ZC4H2: variants seen among roughly 807,000 people sequenced by gnomAD.
The protein encoded by ZC4H2 is zinc finger C4H2-type containing, also known as zinc finger C4H2 domain-containing protein.
For missense variants in ZC4H2, 137 were observed against 173.9 expected, an observed-to-expected ratio of 0.79 and a Z score of 1.19; for synonymous variants, 84 against 66.3, an observed-to-expected ratio of 1.27 and a Z score of -1.30.
chrX:64,999,825 C>A (rs769076559), intron 1 of ZC4H2, among the ~76,000 whole-genome samples: 24 of 112,261 alleles, frequency 2.1e-4, no homozygotes, highest in Admixed American at 1.7e-3. Context: ...AATCCTCCAG[C>A]ATGTTCAAAC....
At chrX:64,984,699 C>T (rs1932146219) in intron 1 of ZC4H2, among the ~76,000 whole-genome samples, 1 of 111,761 alleles carries the variant, frequency 8.9e-6, no homozygotes, top group Admixed American at 9.5e-5. Context: ...GAATCCTGAG[C>T]CATTATTTCT....
chrX:64,958,215 T>A (rs983571882), intron 1 of ZC4H2, among the ~76,000 whole-genome samples: 1 of 112,426 alleles, frequency 8.9e-6, no homozygotes, highest in Non-Finnish European at 1.9e-5. Flanking sequence ...TGACTGGCAG[T>A]GCAGTATCAT....
chrX:64,934,741 G>A (rs967047628), intron 1 of ZC4H2, among the ~76,000 whole-genome samples: 7 of 111,504 alleles, frequency 6.3e-5, no homozygotes, highest in South Asian at 3.8e-4. Flanking sequence ...GCAAGGGGTC[G>A]GGGAACTCCA....
At chrX:65,026,658 G>A (rs1932882372) in intron 1 of ZC4H2, among the ~76,000 whole-genome samples, 1 of 109,799 alleles carries the variant, frequency 9.1e-6, no homozygotes, top group Non-Finnish European at 1.9e-5. Context: ...GCAGTGAGCC[G>A]AGATCGCACC....
At chrX:64,951,262 C>T (rs936328024) in intron 1 of ZC4H2, among the ~76,000 whole-genome samples, 3 of 112,226 alleles carry the variant, frequency 2.7e-5, no homozygotes, top group Non-Finnish European at 5.6e-5. Context: ...CCACAACAAA[C>T]ATACGTGTGC....
intron 1 of ZC4H2, among the ~76,000 whole-genome samples, chrX:64,988,243 T>A (rs1932233307): frequency 2.7e-5 from 3 of 111,257 alleles, no homozygotes; most frequent in Admixed American, 9.6e-5. Flanking sequence ...CCTTTGGGTA[T>A]ATACCCAGTA....
chrX:64,975,422 A>T (rs1370100867), intron 1 of ZC4H2, among the ~76,000 whole-genome samples: 1 of 111,662 alleles, frequency 9.0e-6, no homozygotes, highest in Non-Finnish European at 1.9e-5. Context: ...CACACTTGAC[A>T]TCTTCCACCT....
chrX:64,933,375 T>C (rs1309909640), intron 1 of ZC4H2, among the ~76,000 whole-genome samples: 1 of 111,867 alleles, frequency 8.9e-6, no homozygotes, highest in Non-Finnish European at 1.9e-5. Context: ...TTCTTCTTGG[T>C]TTGGATCCAA....
At chrX:64,952,191 T>C (rs1289965156) in intron 1 of ZC4H2, among the ~76,000 whole-genome samples, 1 of 110,751 alleles carries the variant, frequency 9.0e-6, no homozygotes, top group Middle Eastern at 4.2e-3. Context: ...CCATGCTGTT[T>C]TGGTTACTGT....
At chrX:64,934,201 G>A (rs1298032072) in intron 1 of ZC4H2, among the ~76,000 whole-genome samples, 1 of 112,273 alleles carries the variant, frequency 8.9e-6, no homozygotes, top group Non-Finnish European at 1.9e-5. Flanking sequence ...GTGGCTTCCT[G>A]AGAAACAGAT....
intron 1 of ZC4H2, among the ~76,000 whole-genome samples, chrX:65,002,599 C>T (rs771661207): frequency 4.5e-5 from 5 of 110,011 alleles, no homozygotes; most frequent in Admixed American, 9.5e-5. Flanking sequence ...ATGACGATGG[C>T]GGTTTTGTTG....
At chrX:64,925,716 A>G (rs1230990097) in intron 1 of ZC4H2, among the ~76,000 whole-genome samples, 2 of 111,951 alleles carry the variant, frequency 1.8e-5, no homozygotes, top group Admixed American at 9.5e-5. Context: ...TAAACCAAAG[A>G]TTTTTCACCT....
intron 1 of ZC4H2, among the ~76,000 whole-genome samples, chrX:65,006,649 GTA>G: frequency 1.8e-5 from 2 of 111,352 alleles, no homozygotes; most frequent in Middle Eastern, 9.3e-3. Context: ...CATGGCACAT[GTA>G]TACATATGCA....
intron 1 of ZC4H2, among the ~76,000 whole-genome samples, chrX:65,009,536 C>A (rs889421460): frequency 1.8e-5 from 2 of 112,058 alleles, no homozygotes; most frequent in African/African-American, 6.5e-5. Flanking sequence ...AGCAAACAAT[C>A]TTGGAAAACA....
intron 1 of ZC4H2, among the ~76,000 whole-genome samples, chrX:64,987,218 G>A (rs761267012): frequency 3.6e-5 from 4 of 110,705 alleles, no homozygotes; most frequent in Admixed American, 9.6e-5. Flanking sequence ...GTGAGCCACC[G>A]TGCCTGGCCG....
chrX:64,970,637 G>A (rs1286668545), intron 1 of ZC4H2, among the ~76,000 whole-genome samples: 1 of 111,600 alleles, frequency 9.0e-6, no homozygotes, highest in African/African-American at 3.3e-5. Context: ...TTGGGGTATT[G>A]TAATTCATTT....
chrX:65,020,330 C>T (rs1932827515), intron 1 of ZC4H2, among the ~76,000 whole-genome samples: 1 of 111,796 alleles, frequency 8.9e-6, no homozygotes, highest in Admixed American at 9.5e-5. Context: ...CAGACTACAG[C>T]AGATCTCTCA....
intron 2 of ZC4H2, among the ~76,000 whole-genome samples, chrX:64,920,715 G>A (rs1401929377): frequency 8.9e-6 from 1 of 112,171 alleles, no homozygotes; most frequent in Non-Finnish European, 1.9e-5. Context: ...TCCCAGGCCA[G>A]CAGTCTTTTC....
intron 1 of ZC4H2, among the ~76,000 whole-genome samples, chrX:65,005,271 A>G (rs1320351909): frequency 9.0e-6 from 1 of 111,474 alleles, no homozygotes. Context: ...CCTCATACCC[A>G]AGACAATTAT....
Sources: gnomAD v4.1 joint callset for allele counts (sites outside exome capture counted in the v4.1 genomes callset) on GRCh38, gnomAD v4.1.1 for gene constraint, MANE v1.5 for transcripts, NCBI Gene and HGNC (gene_info 2026-07-23, HGNC 2026-07-21) for gene names.